The following ICE2 variants were observed in gnomAD, a reference collection of about 807,000 sequenced individuals.
ICE2 encodes the protein interactor of little elongation complex ELL subunit 2.
In ICE2, 87 loss-of-function variants were observed where a neutral mutation model predicts 105.4. The observed-to-expected ratio is 0.83, with a 90% CI of 0.69 to 0.99. The LOEUF (loss-of-function observed/expected upper bound fraction) is 0.99. Ranked by LOEUF, ICE2 falls within the 50% of genes least tolerant of loss-of-function variation. ICE2 has a pLI of 0.00. For missense variants in ICE2, 1,323 were observed against 1,146.7 expected (o/e 1.15, Z -2.22); for synonymous variants, 399 against 392.0 (o/e 1.02, Z -0.21).
chr15:60,422,079 T>C lies in ICE2; in HGVS notation c.*1555A>G, dbSNP rs532712585. ...CAAAACTTATATTTTACAAATGACA[T>C]ACATAATTTCTGAAAATTTTAGTGT... On this transcript the variant is annotated 3_prime_UTR_variant, in exon 16 of 16. Coordinates refer to ENST00000261520, the MANE Select transcript of ICE2 (RefSeq NM_024611.6). The C allele has an allele frequency of 6.6e-6, 1 of 151,746 alleles. No homozygotes were observed. The highest frequency in any genetic ancestry group is 2.4e-5 in the African/African-American group (1 of 41,450). The allele number at this position is 151,746 out of a possible 1,614,324, so 9.4% of individuals were successfully genotyped here. A position where few individuals can be genotyped will look rare whatever the true frequency, so the allele number is the denominator to read the frequency against.
chr15:60,472,361 C>T (rs1322057282), intron 3 of ICE2, among the ~76,000 whole-genome samples: 1 of 151,682 alleles, frequency 6.6e-6, no homozygotes, highest in African/African-American at 2.4e-5. Context: ...ACAATAAAGC[C>T]TGAAATAACT....
Position 60,448,915 on chromosome 15 carries a change from A to C in ICE2, c.2052T>G (p.Ser684=). ...SKQPSVSEQL[S]GPSDSSSWPK... is the part of the protein sequence containing the mutation. ...GCCAACTAGAGGAGTCTGAAGGACC[A>C]GACAATTGCTCAGAAACAGAAGGCT... is the stretch of plus-strand genomic sequence containing the variant. The change falls in exon 10 of 16, where the codon TCT becomes TCG. Residue 684 remains serine, a synonymous_variant. Transcript: ENST00000261520. 1 of 1,613,766 alleles carries C rather than the reference A, an allele frequency of 6.2e-7. No individual in the cohort carries two copies. The highest frequency in any genetic ancestry group is 8.5e-7 in the Non-Finnish European group (1 of 1,179,848).
intron 8 of ICE2, 26 bp downstream of exon 8, chr15:60,454,977 A>G: frequency 6.6e-7 from 1 of 1,520,124 alleles, no homozygotes; most frequent in Non-Finnish European, 8.8e-7. Context: ...TTTTGAGAGC[A>G]TTATTTGACA....
chr15:60,449,899 C>T, intron 9 of ICE2, 58 bp from the exon 10 acceptor site: 2 of 1,203,254 alleles, frequency 1.7e-6, no homozygotes, highest in Admixed American at 2.0e-5. Flanking sequence ...CTACCTATCT[C>T]TTAATGTCCC....
Position 60,476,132 on chromosome 15 carries a change from A to G in ICE2, c.77T>C (p.Phe26Ser). The G allele has an allele frequency of 3.7e-6, 6 of 1,605,586 alleles. No homozygotes were observed. The highest frequency in any genetic ancestry group is 5.1e-6 in the Non-Finnish European group (6 of 1,176,922). Residue 26 changes from phenylalanine to serine, a missense_variant, in exon 3 of 16, where the codon TTC (phenylalanine) becomes TCC (serine). Coordinates refer to ENST00000261520, the MANE Select transcript of ICE2 (RefSeq NM_024611.6). ...ATGATCTTTATAATTTTCTCGAGAGAAAAATGTCTTAAGGCCATTTTTGGG... is the reference window on the plus strand; with the variant it reads ...ATGATCTTTATAATTTTCTCGAGAGGAAAATGTCTTAAGGCCATTTTTGGG... ...ISPKNGLKTF[F>S]SRENYKDHSM...
intron 14 of ICE2, 77 bp from the exon 15 acceptor site, chr15:60,428,764 T>C: frequency 6.8e-7 from 1 of 1,465,852 alleles, no homozygotes; most frequent in Non-Finnish European, 9.2e-7. Context: ...CATAATCTAT[T>C]AGTAAAATTG....
At position 60,455,346 on chromosome 15, in the gene ICE2, T is replaced by C; in HGVS notation, c.763A>G (p.Thr255Ala). The C allele has an allele frequency of 6.2e-7, 1 of 1,613,270 alleles. No homozygotes were observed. The highest frequency in any genetic ancestry group is 1.1e-5 in the South Asian group (1 of 91,048). The change falls in exon 7 of 16, where the codon ACA (threonine) becomes GCA (alanine). Residue 255 changes from threonine to alanine, a missense_variant. Transcript: ENST00000261520. ...CTTACATAATGCATAGCTTCAGCTG[T>C]TTGTTCTGACGTTTCAATGGTAGCT... ...DIATIETSEQ[T>A]AEAMHYDISK... is the part of the protein sequence containing the mutation.
At chr15:60,467,281 A>G (rs2064458089) in intron 4 of ICE2, among the ~76,000 whole-genome samples, 1 of 152,198 alleles carries the variant, frequency 6.6e-6, no homozygotes, top group Admixed American at 6.5e-5. Flanking sequence ...TTTTAAAAAG[A>G]CATACATCCG....
rs200694289 is a variant in ICE2, at chr15:60,448,076, A to C, written c.2189T>G (p.Phe730Cys). The part of the protein sequence containing the change: ...SEYLAPQEGN[F>C]VYKLFSLQDL... ...TTGCAGGCTAAATAACTTATAAACA[A>C]AATTTCCTTCCTGAGGAGCTAGGTA... Residue 730 changes from phenylalanine to cysteine, a missense_variant, in exon 11 of 16, where the codon TTT (phenylalanine) becomes TGT (cysteine). By Grantham distance (205) the Phe-to-Cys change is radical. Transcript: ENST00000261520. 6.2e-7 allele frequency: 1 copy of C among 1,613,650 alleles called. No homozygotes were observed. Among genetic ancestry groups the C allele is most frequent in the East Asian group, 2.2e-5 (1 of 44,868 alleles).
At chr15:60,455,746 T>C (rs1241471616) in intron 6 of ICE2, among the ~76,000 whole-genome samples, 3 of 151,956 alleles carry the variant, frequency 2.0e-5, no homozygotes, top group Non-Finnish European at 4.4e-5. Flanking sequence ...GCCTCACGAA[T>C]AGCTGGGATA....
At chr15:60,471,572 T>C (rs2064594958) in intron 3 of ICE2, among the ~76,000 whole-genome samples, 1 of 152,238 alleles carries the variant, frequency 6.6e-6, no homozygotes, top group Non-Finnish European at 1.5e-5. Context: ...CAGTTTAAAT[T>C]GGCTACATTC....
At chr15:60,478,697 C>A in intron 1 of ICE2, 1 of 338,156 alleles carries the variant, frequency 3.0e-6, no homozygotes, top group East Asian at 8.7e-5. Context: ...CGACACCGAA[C>A]GGGCCCGACC....
Position 60,479,003 on chromosome 15 carries a change from C to T in ICE2, c.-93G>A. 5 of 456,050 alleles carry T rather than the reference C, an allele frequency of 1.1e-5. No individual in the cohort carries two copies. Among genetic ancestry groups the T allele is most frequent in the South Asian group, 7.7e-5 (5 of 64,544 alleles). 28.3% of individuals were successfully genotyped at this position (456,050 alleles called of 1,614,324 possible). A position where few individuals can be genotyped will look rare whatever the true frequency, so the allele number is the denominator to read the frequency against. On this transcript the variant is annotated splice_region_variant and 5_prime_UTR_variant, in exon 1 of 16. Transcript: ENST00000261520. ...GCTGCAACACAGCCTTTCCGCCCACCTCATGGTCCGCGGCGGCTCTTGCCC... is the reference window on the plus strand; with the variant it reads ...GCTGCAACACAGCCTTTCCGCCCACTTCATGGTCCGCGGCGGCTCTTGCCC...
intron 13 of ICE2, among the ~76,000 whole-genome samples, chr15:60,433,153 T>C (rs1375242740): frequency 6.6e-6 from 1 of 151,334 alleles, no homozygotes; most frequent in South Asian, 2.1e-4. Flanking sequence ...GCTGGAGCGA[T>C]CTTGGCTCAC....
At chr15:60,425,035 G>A (rs1055021121) in intron 15 of ICE2, among the ~76,000 whole-genome samples, 1 of 152,106 alleles carries the variant, frequency 6.6e-6, no homozygotes, top group Non-Finnish European at 1.5e-5. Flanking sequence ...GGACTGAAGG[G>A]TGATAGTGTA....
At position 60,425,178 on chromosome 15, in the gene ICE2, G is replaced by A. The variant is rs547858391; in HGVS notation, c.2821-1416C>T. Among the ~76,000 whole-genome samples the A allele has an allele frequency of 2.5e-3, 384 of 152,166 alleles. 1 individual carries two copies. Among genetic ancestry groups the A allele is most frequent in the Non-Finnish European group, 4.4e-3 (302 of 68,002 alleles). On this transcript the variant is annotated intron_variant, in intron 15 of 15. Coordinates refer to ENST00000261520, the MANE Select transcript of ICE2 (RefSeq NM_024611.6). ...TTAATATCTACTGTCCCTTTAAAAA[G>A]CATTTTTTTTTATTTACATTTACCT...
In ICE2 at chr15:60,442,426, T is replaced by C. The variant is rs199619685; in HGVS notation, c.2415A>G (p.Ser805=). 3.2e-6 allele frequency: 5 copies of C among 1,580,626 alleles called. No individual in the cohort carries two copies. The highest frequency in any genetic ancestry group is 2.4e-5 in the South Asian group (2 of 83,944). ...WTESLLHSNS[S]FYVGHIDAFT... ...TTTTGTATAACTTACCAACATAAAA[T>C]GAGCTGTTGGAATGCAATAAACTTT... Residue 805 remains serine (S), a synonymous_variant, in exon 12 of 16, where the codon TCA becomes TCG. Coordinates refer to ENST00000261520, the MANE Select transcript of ICE2 (RefSeq NM_024611.6).
At chr15:60,430,700 T>C (rs963355578) in intron 14 of ICE2, among the ~76,000 whole-genome samples, 3 of 152,198 alleles carry the variant, frequency 2.0e-5, no homozygotes, top group African/African-American at 7.2e-5. Context: ...AATAGAATTC[T>C]TCAGAACTAG....
chr15:60,433,158 G>A (rs533530577), intron 13 of ICE2, among the ~76,000 whole-genome samples: 1 of 151,762 alleles, frequency 6.6e-6, no homozygotes, highest in South Asian at 2.1e-4. Flanking sequence ...AGCGATCTTG[G>A]CTCACTGCAA....
Sources: gnomAD v4.1 joint callset for allele counts (sites outside exome capture counted in the v4.1 genomes callset) on GRCh38, gnomAD v4.1.1 for gene constraint, MANE v1.5 for transcripts, NCBI Gene and HGNC (gene_info 2026-07-23, HGNC 2026-07-21) for gene names.